The following SPIB variants were observed in gnomAD, a reference collection of about 807,000 sequenced individuals.
SPIB encodes the protein transcription factor Spi-B.
A neutral mutation model predicts 31.9 loss-of-function variants in SPIB; 7 were observed. The ratio of observed to expected loss-of-function variants is 0.22; its 90% CI spans 0.12 to 0.41. The LOEUF (loss-of-function observed/expected upper bound fraction) is 0.41. SPIB is among the 10% of genes least tolerant of loss of function. SPIB has a pLI of 1.00. For missense variants in SPIB, 327 were observed against 360.2 expected (o/e 0.91, Z 0.75); for synonymous variants, 176 against 158.9 (o/e 1.11, Z -0.81).
intron 2 of SPIB, among the ~76,000 whole-genome samples, chr19:50,422,202 C>G (rs1325390014): frequency 6.6e-6 from 1 of 152,198 alleles, no homozygotes; most frequent in African/African-American, 2.4e-5. Flanking sequence ...GACTGTGTGC[C>G]AGTGAGGGGC....
intron 2 of SPIB, among the ~76,000 whole-genome samples, chr19:50,420,530 C>T (rs1240415652): frequency 2.0e-5 from 3 of 152,240 alleles, no homozygotes; most frequent in African/African-American, 4.8e-5. Context: ...AGATACCGAA[C>T]ATTTCAATCT....
In SPIB at chr19:50,418,941, A is replaced by C; in HGVS notation, c.-22A>C. ...AGGGTTGGCGGCTGCAGCGGGCGGC[A>C]AACAGCCCGCCCGGCACCACCATGC... is the stretch of plus-strand genomic sequence containing the variant. On this transcript the variant is annotated 5_prime_UTR_variant, in exon 1 of 6. Transcript: ENST00000595883. This position sits in a 1 kb window ranked among gnomAD's most constrained non-coding sequence, Gnocchi z 6.0. The C allele has an allele frequency of 2.6e-6, 4 of 1,552,530 alleles. No individual in the cohort carries two copies. The highest frequency in any genetic ancestry group is 3.5e-6 in the Non-Finnish European group (4 of 1,148,490).
chr19:50,428,412 G>A lies in SPIB; in HGVS notation c.*76G>A. 7.0e-7 allele frequency: 1 copy of A among 1,432,192 alleles called. No homozygotes were observed. Among genetic ancestry groups the A allele is most frequent in the Admixed American group, 2.6e-5 (1 of 38,192 alleles). 88.7% of individuals were successfully genotyped at this position (1,432,192 alleles called of 1,614,324 possible). A position where few individuals can be genotyped will look rare whatever the true frequency, so the allele number is the denominator to read the frequency against. Reference sequence around the variant, plus strand: ...GCCAGGATCCCCCTGGAAGAAAAAGGGCGTCCCCACACTCTAGGTGATAGG... The same window carrying A: ...GCCAGGATCCCCCTGGAAGAAAAAGAGCGTCCCCACACTCTAGGTGATAGG... On this transcript the variant is annotated 3_prime_UTR_variant, in exon 6 of 6. Transcript: ENST00000595883. This position sits in a 1 kb window ranked among gnomAD's most constrained non-coding sequence, Gnocchi z 6.5.
intron 2 of SPIB, among the ~76,000 whole-genome samples, chr19:50,421,540 A>G (rs904812214): frequency 8.0e-5 from 12 of 149,790 alleles, no homozygotes; most frequent in African/African-American, 3.0e-4. Flanking sequence ...CCAGGCTGGT[A>G]TCGATCTCCT....
chr19:50,426,205 G>C (rs1256657954), intron 5 of SPIB, among the ~76,000 whole-genome samples: 2 of 151,964 alleles, frequency 1.3e-5, no homozygotes, highest in Non-Finnish European at 1.5e-5. Flanking sequence ...CAAGACTCCA[G>C]CTCAAAATAA....
chr19:50,420,614 T>C (rs2039482620), intron 2 of SPIB, among the ~76,000 whole-genome samples: 1 of 152,190 alleles, frequency 6.6e-6, no homozygotes, highest in African/African-American at 2.4e-5. Context: ...TTGTAATTTG[T>C]TTTGCCTGCT....
Position 50,428,054 on chromosome 19 carries a change from G to C in SPIB, c.507G>C (p.Leu169=). 1 of 1,544,330 alleles carries C rather than the reference G, an allele frequency of 6.5e-7. No individual in the cohort carries two copies. The highest frequency in any genetic ancestry group is 1.2e-5 in the South Asian group (1 of 83,262). ...KGSEAGTRKK[L]RLYQFLLGLL... is the part of the protein sequence containing the mutation. Reference sequence around the variant, plus strand: ...CCACCGCAGGGACTCGCAAGAAGCTGCGCCTGTACCAGTTCCTGCTGGGGC... The same window carrying C: ...CCACCGCAGGGACTCGCAAGAAGCTCCGCCTGTACCAGTTCCTGCTGGGGC... Residue 169 remains leucine (L), a synonymous_variant, in exon 6 of 6, where the codon CTG becomes CTC. Coordinates refer to ENST00000595883, the MANE Select transcript of SPIB (RefSeq NM_003121.5). This position sits in a 1 kb window ranked among gnomAD's most constrained non-coding sequence, Gnocchi z 6.5.
At chr19:50,419,902 GC>G in intron 1 of SPIB, 43 bp from the exon 2 acceptor site, 1 of 1,527,566 alleles carries the variant, frequency 6.5e-7, no homozygotes, top group Admixed American at 2.2e-5. Flanking sequence ...GATTCAGGTG[GC>G]TGGAGGCAGC....
chr19:50,422,456 C>T lies in SPIB; in HGVS notation c.52-17C>T, dbSNP rs2039507813. 1.9e-6 allele frequency: 3 copies of T among 1,613,238 alleles called. No individual in the cohort carries two copies. The highest frequency in any genetic ancestry group is 1.7e-5 in the Admixed American group (1 of 59,990). On this transcript the variant is annotated splice_polypyrimidine_tract_variant and intron_variant, in intron 2 of 5. Transcript: ENST00000595883. ...AGGCCTGGGATGACCCCTCTTCCCTCCTGCACCCCGTATCAGTACCCAGAT... is the reference window on the plus strand; with the variant it reads ...AGGCCTGGGATGACCCCTCTTCCCTTCTGCACCCCGTATCAGTACCCAGAT...
chr19:50,419,421 C>T (rs1050876820), intron 1 of SPIB, among the ~76,000 whole-genome samples: 11 of 152,132 alleles, frequency 7.2e-5, no homozygotes, highest in African/African-American at 4.8e-5. Flanking sequence ...CTCCTTCTGC[C>T]TCACCCTCAC....
Position 50,428,001 on chromosome 19 carries a change from A to AC in SPIB, c.491-33dup, listed in dbSNP as rs1306593206. The stretch of plus-strand genomic sequence containing the variant: ...GGATGGGGAAGGCGGGGCCTTAGGG[A>AC]CCCCTCACCTAACGCGTGCCCCCGA... On this transcript the variant is annotated intron_variant, in intron 5 of 5. Transcript: ENST00000595883. The surrounding 1 kb of genome is among the most constrained non-coding windows in gnomAD (Gnocchi z 6.5). 9.6e-6 allele frequency: 14 copies of AC among 1,457,384 alleles called. No homozygotes were observed. The highest frequency in any genetic ancestry group is 1.8e-6 in the Non-Finnish European group (2 of 1,099,844). 90.3% of individuals were successfully genotyped at this position (1,457,384 alleles called of 1,614,324 possible). A position where few individuals can be genotyped will look rare whatever the true frequency, so the allele number is the denominator to read the frequency against.
At chr19:50,427,947 A>G in intron 5 of SPIB, 91 bp from the exon 6 acceptor site, 1 of 1,276,188 alleles carries the variant, frequency 7.8e-7, no homozygotes, top group Non-Finnish European at 1.0e-6. Flanking sequence ...CAGGAGATGG[A>G]GGCCGGGGTG....
Position 50,428,478 on chromosome 19 carries a change from C to T in SPIB, c.*142C>T, listed in dbSNP as rs1009478030. ...CCTTTTGGGGTAAGGGGAGTGCTGCCCTGCCATAATCCCCAAGCCCAGCCC... is the reference window on the plus strand; with the variant it reads ...CCTTTTGGGGTAAGGGGAGTGCTGCTCTGCCATAATCCCCAAGCCCAGCCC... On this transcript the variant is annotated 3_prime_UTR_variant, in exon 6 of 6. Transcript: ENST00000595883. The surrounding 1 kb of genome is among the most constrained non-coding windows in gnomAD (Gnocchi z 6.5). 8 of 978,820 alleles carry T rather than the reference C, an allele frequency of 8.2e-6. No individual in the cohort carries two copies. Among genetic ancestry groups the T allele is most frequent in the African/African-American group, 1.7e-5 (1 of 60,322 alleles). The allele number at this position is 978,820 out of a possible 1,614,324, so 60.6% of individuals were successfully genotyped here. A position where few individuals can be genotyped will look rare whatever the true frequency, so the allele number is the denominator to read the frequency against.
intron 5 of SPIB, among the ~76,000 whole-genome samples, chr19:50,425,075 C>T (rs894463813): frequency 1.3e-5 from 2 of 151,960 alleles, no homozygotes; most frequent in Non-Finnish European, 2.9e-5. Context: ...GGCACGATCT[C>T]GGCCCACTGC....
At position 50,428,453 on chromosome 19, in the gene SPIB, C is replaced by T; in HGVS notation, c.*117C>T. The T allele has an allele frequency of 8.4e-7, 1 of 1,184,596 alleles. No homozygotes were observed. Among genetic ancestry groups the T allele is most frequent in the East Asian group, 2.6e-5 (1 of 37,844 alleles). The allele number at this position is 1,184,596 out of a possible 1,614,324, so 73.4% of individuals were successfully genotyped here. A position where few individuals can be genotyped will look rare whatever the true frequency, so the allele number is the denominator to read the frequency against. On this transcript the variant is annotated 3_prime_UTR_variant, in exon 6 of 6. Coordinates refer to ENST00000595883, the MANE Select transcript of SPIB (RefSeq NM_003121.5). The surrounding 1 kb of genome is among the most constrained non-coding windows in gnomAD (Gnocchi z 6.5). ...AGGTGATAGGACTTACGCATCCCCA[C>T]CTTTTGGGGTAAGGGGAGTGCTGCC...
chr19:50,425,064 T>C (rs1202544027), intron 5 of SPIB, among the ~76,000 whole-genome samples: 1 of 151,948 alleles, frequency 6.6e-6, no homozygotes, highest in Middle Eastern at 3.4e-3. Flanking sequence ...TGGAGTGCAG[T>C]GGCACGATCT....
At chr19:50,427,291 G>A (rs1291145329) in intron 5 of SPIB, among the ~76,000 whole-genome samples, 1 of 152,078 alleles carries the variant, frequency 6.6e-6, no homozygotes, top group African/African-American at 2.4e-5. Flanking sequence ...TTGGGAGGTC[G>A]AGGTGGGCGG....
rs1601272088 is a variant in SPIB at position 50,428,504 on chromosome 19, G to A, written c.*168G>A. ...CTGCCATAATCCCCAAGCCCAGCCC[G>A]GGCCTGTCTGGGATTCCCCACTTGT... On this transcript the variant is annotated 3_prime_UTR_variant, in exon 6 of 6. Transcript: ENST00000595883. The surrounding 1 kb of genome is among the most constrained non-coding windows in gnomAD (Gnocchi z 6.5). The A allele has an allele frequency of 7.9e-6, 6 of 755,242 alleles. No individual in the cohort carries two copies. In the East Asian group the frequency reaches 8.9e-5, roughly 11 times the overall value. The allele number at this position is 755,242 out of a possible 1,614,324, so 46.8% of individuals were successfully genotyped here. A position where few individuals can be genotyped will look rare whatever the true frequency, so the allele number is the denominator to read the frequency against.
At chr19:50,423,805 G>A (rs1459259900) in intron 5 of SPIB, 50 bp downstream of exon 5, 35 of 1,557,270 alleles carry the variant, frequency 2.2e-5, no homozygotes, top group Non-Finnish European at 2.7e-5. Flanking sequence ...AGATGGTGGG[G>A]GGGCTGAGAG....
Sources: gnomAD v4.1 joint callset for allele counts (sites outside exome capture counted in the v4.1 genomes callset) on GRCh38, gnomAD v4.1.1 for gene constraint, Gnocchi (gnomAD v3.1) non-coding constraint, MANE v1.5 for transcripts, NCBI Gene and HGNC (gene_info 2026-07-23, HGNC 2026-07-21) for gene names.